PCLO: variants seen among roughly 807,000 people sequenced by gnomAD.
The protein encoded by PCLO is protein piccolo.
In PCLO, 82 loss-of-function variants were observed where a neutral mutation model predicts 427.5. The observed-to-expected ratio is 0.19, with a 90% CI of 0.16 to 0.23. The LOEUF (loss-of-function observed/expected upper bound fraction) is 0.23, where lower values mean the gene tolerates loss of function less well. Among genes scored for constraint, PCLO ranks in the 10% least tolerant of loss-of-function variants. PCLO has a pLI of 1.00. For missense variants in PCLO, 6,239 were observed against 6,115.9 expected, an observed-to-expected ratio of 1.02 and a Z score of -0.67; for synonymous variants, 2,357 against 2,155.4, an observed-to-expected ratio of 1.09 and a Z score of -2.59.
chr7:83,067,452 A>G (rs1378347761), intron 3 of PCLO, among the ~76,000 whole-genome samples: 1 of 152,162 alleles, frequency 6.6e-6, no homozygotes, highest in Non-Finnish European at 1.5e-5. Context: ...CAGGGACTTT[A>G]CTTTTTTTTC....
chr7:82,955,891 T>C lies in PCLO; in HGVS notation c.5062A>G (p.Lys1688Glu). The change falls in exon 5 of 25, where the codon AAA becomes GAA. Residue 1688 changes from lysine to glutamate, a missense_variant. Transcript: ENST00000333891. ...TCTTCGTCAAAATACAAACTTGTTTTTTTCTGTGATGACTCTGCAGAATAT... is the reference window on the plus strand; with the variant it reads ...TCTTCGTCAAAATACAAACTTGTTTCTTTCTGTGATGACTCTGCAGAATAT... ...DKYSAESSQK[K>E]TSLYFDEEPE... The C allele has an allele frequency of 6.2e-7, 1 of 1,613,952 alleles. No individual in the cohort carries two copies. The highest frequency in any genetic ancestry group is 1.3e-5 in the African/African-American group (1 of 75,052).
intron 3 of PCLO, among the ~76,000 whole-genome samples, chr7:83,042,682 G>T (rs1042466345): frequency 6.6e-6 from 1 of 152,138 alleles, no homozygotes; most frequent in Admixed American, 6.6e-5. Context: ...CCAACAGGGT[G>T]AAACTTTATC....
At chr7:82,978,349 C>T (rs1213372149) in intron 3 of PCLO, among the ~76,000 whole-genome samples, 2 of 152,066 alleles carry the variant, frequency 1.3e-5, no homozygotes, top group East Asian at 1.9e-4. Context: ...AATATTCAAA[C>T]AGGAAGATAC....
intron 9 of PCLO, among the ~76,000 whole-genome samples, chr7:82,898,370 A>G (rs908686156): frequency 3.3e-5 from 5 of 151,496 alleles, no homozygotes; most frequent in African/African-American, 1.2e-4. Context: ...CAAACCAAAC[A>G]AAACATTACT....
chr7:82,774,132 T>A (rs57929490), intron 22 of PCLO, among the ~76,000 whole-genome samples: 9,647 of 152,214 alleles, frequency 0.063, 707 homozygotes, highest in African/African-American at 0.18. Flanking sequence ...AGTTCCTTTC[T>A]CCTTCTTCCC....
At chr7:82,798,095 C>T (rs921110883) in intron 22 of PCLO, among the ~76,000 whole-genome samples, 1 of 152,080 alleles carries the variant, frequency 6.6e-6, no homozygotes, top group African/African-American at 2.4e-5. Flanking sequence ...AAAGTGATTA[C>T]TTAAAATCTA....
Position 82,916,053 on chromosome 7 carries a change from T to C in PCLO, c.11933A>G (p.Tyr3978Cys), listed in dbSNP as rs766896112. ...AAGGGGTTGGTTGCGAATCACTTCATAGTTTGAGGTTATCTTGGGCTCCAA... is the reference window on the plus strand; with the variant it reads ...AAGGGGTTGGTTGCGAATCACTTCACAGTTTGAGGTTATCTTGGGCTCCAA... ...LYLEPKITSN[Y>C]EVIRNQPLMI... The change falls in exon 7 of 25, where the codon TAT becomes TGT. Residue 3978 changes from tyrosine (Y) to cysteine (C), a missense_variant. By Grantham distance (194) the Tyr-to-Cys change is radical. This residue lies in a region of PCLO where 680 missense variants were observed against 677.3 expected (regional missense o/e 1.00). Transcript: ENST00000333891. 1.2e-6 allele frequency: 2 copies of C among 1,613,250 alleles called. No homozygotes were observed. The highest frequency in any genetic ancestry group is 2.2e-5 in the East Asian group (1 of 44,864).
At chr7:83,049,302 T>C (rs1417511603) in intron 3 of PCLO, among the ~76,000 whole-genome samples, 4 of 152,130 alleles carry the variant, frequency 2.6e-5, no homozygotes, top group Non-Finnish European at 5.9e-5. Context: ...GATAACATGA[T>C]GCAACATGTG....
intron 7 of PCLO, among the ~76,000 whole-genome samples, chr7:82,912,992 A>C (rs1212340668): frequency 6.6e-6 from 1 of 152,012 alleles, no homozygotes; most frequent in East Asian, 1.9e-4. Flanking sequence ...ACTCTTCTGC[A>C]ATTGTCATTT....
At chr7:82,991,034 TATTTA>T (rs1354950781) in intron 3 of PCLO, among the ~76,000 whole-genome samples, 2 of 152,178 alleles carry the variant, frequency 1.3e-5, no homozygotes, top group African/African-American at 4.8e-5. Flanking sequence ...TTTGTTATTC[TATTTA>T]ATTATTCAAT....
chr7:82,869,011 T>A (rs1224646328), intron 10 of PCLO, among the ~76,000 whole-genome samples: 1 of 152,070 alleles, frequency 6.6e-6, no homozygotes, highest in South Asian at 2.1e-4. Flanking sequence ...TTTAAAAGTA[T>A]CACGATGGTA....
intron 3 of PCLO, among the ~76,000 whole-genome samples, chr7:83,037,920 T>C (rs1050134817): frequency 1.2e-4 from 17 of 136,156 alleles, no homozygotes; most frequent in African/African-American, 4.0e-4. Flanking sequence ...CTCTTTACAA[T>C]TGGTTAACTT....
At chr7:82,927,346 T>C (rs1794736068) in intron 6 of PCLO, among the ~76,000 whole-genome samples, 1 of 152,202 alleles carries the variant, frequency 6.6e-6, no homozygotes, top group Non-Finnish European at 1.5e-5. Context: ...TTAAATCAAT[T>C]TGTTAATTAT....
chr7:82,880,421 T>A (rs2116050423), intron 9 of PCLO: 1 of 410,030 alleles, frequency 2.4e-6, no homozygotes, highest in East Asian at 7.4e-5. Context: ...TCTTTTTATC[T>A]TTTGTAGAGA....
At chr7:82,815,815 A>G (rs1464933287) in intron 20 of PCLO, among the ~76,000 whole-genome samples, 1 of 151,892 alleles carries the variant, frequency 6.6e-6, no homozygotes. Flanking sequence ...TTTTGCACCA[A>G]CCTAATATTA....
At chr7:82,981,565 G>A (rs1224248500) in intron 3 of PCLO, among the ~76,000 whole-genome samples, 1 of 152,028 alleles carries the variant, frequency 6.6e-6, no homozygotes, top group East Asian at 1.9e-4. Flanking sequence ...ATGGAACTGA[G>A]TACTCTAAAA....
chr7:83,071,524 C>G (rs1341667265), intron 3 of PCLO, among the ~76,000 whole-genome samples: 1 of 152,108 alleles, frequency 6.6e-6, no homozygotes, highest in Non-Finnish European at 1.5e-5. Flanking sequence ...TTCACAACAC[C>G]TATTCATTAT....
intron 22 of PCLO, among the ~76,000 whole-genome samples, chr7:82,790,159 C>T (rs1364089804): frequency 6.6e-6 from 1 of 152,098 alleles, no homozygotes. Context: ...TGCCTCCAAA[C>T]GAGTCCCCCA....
At chr7:82,793,045 A>G (rs1243118158) in intron 22 of PCLO, among the ~76,000 whole-genome samples, 1 of 150,226 alleles carries the variant, frequency 6.7e-6, no homozygotes, top group African/African-American at 2.5e-5. Context: ...CTGCGTACCT[A>G]TCTCTAACTG....
Sources: gnomAD v4.1 joint callset for allele counts (sites outside exome capture counted in the v4.1 genomes callset) on GRCh38, gnomAD v4.1.1 for gene constraint, gnomAD v4.1.1 regional missense constraint, MANE v1.5 for transcripts, NCBI Gene and HGNC (gene_info 2026-07-23, HGNC 2026-07-21) for gene names.